The following SLC2A13 variants were observed in gnomAD, a reference collection of about 807,000 sequenced individuals.
SLC2A13 encodes the protein proton myo-inositol cotransporter.
In SLC2A13, 32 loss-of-function variants were observed where a neutral mutation model predicts 64.4. The ratio of observed to expected loss-of-function variants is 0.50; its 90% CI spans 0.37 to 0.67. SLC2A13 has a LOEUF of 0.67. SLC2A13 is among the 30% of genes least tolerant of loss of function. The pLI is 0.00. For synonymous variants in SLC2A13, 338 were observed against 327.1 expected (o/e 1.03, Z -0.36); for missense variants, 743 against 829.2 (o/e 0.90, Z 1.28).
chr12:40,010,606 A>C lies in SLC2A13; in HGVS notation c.925+17695T>G, dbSNP rs1230437824. On this transcript the variant is annotated intron_variant, in intron 3 of 9. Coordinates refer to ENST00000280871, the MANE Select transcript of SLC2A13 (RefSeq NM_052885.4). ...CATCTAATTTTAATGATTTTTTCAC[A>C]AACCTTTTAAAACCATCTTGCCCAC... Among the ~76,000 whole-genome samples the C allele has an allele frequency of 1.3e-5, 2 of 152,234 alleles. 1 individual carries two copies. The highest frequency in any genetic ancestry group is 4.8e-5 in the African/African-American group (2 of 41,456).
intron 1 of SLC2A13, among the ~76,000 whole-genome samples, chr12:40,100,969 C>CAA (rs10633826): frequency 0.35 from 29,234 of 84,690 alleles, 5,880 homozygotes; most frequent in Non-Finnish European, 0.37. Flanking sequence ...CCATCTCAGA[C>CAA]AAAAAAAAAA....
At chr12:40,030,991 TATACGTTTGTATCCTA>T (rs1947894317) in intron 2 of SLC2A13, among the ~76,000 whole-genome samples, 1 of 152,228 alleles carries the variant, frequency 6.6e-6, no homozygotes. Context: ...AAAAATGTTT[TATACGTTTGTATCCTA>T]ATACTTCTAA....
intron 3 of SLC2A13, among the ~76,000 whole-genome samples, chr12:39,961,681 T>G (rs912513968): frequency 6.6e-6 from 1 of 151,560 alleles, no homozygotes; most frequent in Non-Finnish European, 1.5e-5. Context: ...AAAAAATTTT[T>G]TTTTTAGAGG....
At chr12:39,931,384 G>A (rs1945823433) in intron 4 of SLC2A13, among the ~76,000 whole-genome samples, 1 of 152,164 alleles carries the variant, frequency 6.6e-6, no homozygotes, top group African/African-American at 2.4e-5. Context: ...TGCCTCTGCT[G>A]TTGCCACTCC....
chr12:39,999,465 G>C (rs1471902797), intron 3 of SLC2A13, among the ~76,000 whole-genome samples: 2 of 152,120 alleles, frequency 1.3e-5, no homozygotes, highest in Non-Finnish European at 2.9e-5. Flanking sequence ...GCCGCTCTGG[G>C]AGTGTCTGTC....
At chr12:39,966,190 A>ATATT (rs1946511509) in intron 3 of SLC2A13, among the ~76,000 whole-genome samples, 1 of 151,834 alleles carries the variant, frequency 6.6e-6, no homozygotes, top group African/African-American at 2.4e-5. Flanking sequence ...AGAAGTATGT[A>ATATT]TATGTATAAA....
intron 7 of SLC2A13, among the ~76,000 whole-genome samples, chr12:39,783,917 C>A (rs1319783240): frequency 1.3e-5 from 2 of 152,178 alleles, no homozygotes; most frequent in Non-Finnish European, 2.9e-5. Context: ...CACAAGCATT[C>A]CTGTACACAA....
At chr12:39,948,679 C>G (rs74568154) in intron 4 of SLC2A13, among the ~76,000 whole-genome samples, 1 of 151,992 alleles carries the variant, frequency 6.6e-6, no homozygotes, top group Non-Finnish European at 1.5e-5. Flanking sequence ...TTTTCAAAAA[C>G]GTATTTCAAC....
chr12:40,018,021 C>T (rs922010291), intron 3 of SLC2A13, among the ~76,000 whole-genome samples: 2 of 144,374 alleles, frequency 1.4e-5, no homozygotes, highest in Non-Finnish European at 3.1e-5. Flanking sequence ...AAGGAAAGAA[C>T]GTGAATAGCA....
intron 3 of SLC2A13, among the ~76,000 whole-genome samples, chr12:39,981,182 G>A (rs1384439527): frequency 6.7e-6 from 1 of 149,758 alleles, no homozygotes; most frequent in Non-Finnish European, 1.5e-5. Flanking sequence ...GCAGTGTGTA[G>A]AGGGAAATTT....
At chr12:40,025,471 G>A (rs746126965) in intron 3 of SLC2A13, among the ~76,000 whole-genome samples, 19 of 152,104 alleles carry the variant, frequency 1.2e-4, no homozygotes, top group South Asian at 4.2e-4. Context: ...TGCCATAACC[G>A]TCACAAGTCA....
intron 4 of SLC2A13, among the ~76,000 whole-genome samples, chr12:39,883,158 T>G (rs1944385573): frequency 6.6e-6 from 1 of 152,118 alleles, no homozygotes; most frequent in Non-Finnish European, 1.5e-5. Context: ...TCTTTAATAA[T>G]TATAATAAGT....
chr12:39,958,777 T>A (rs976828999), intron 3 of SLC2A13, among the ~76,000 whole-genome samples: 2 of 152,128 alleles, frequency 1.3e-5, no homozygotes, highest in Admixed American at 6.5e-5. Context: ...TACAATTTTG[T>A]CTCTTACAAT....
intron 3 of SLC2A13, among the ~76,000 whole-genome samples, chr12:39,968,519 C>T (rs1188846144): frequency 6.6e-6 from 1 of 151,938 alleles, no homozygotes; most frequent in African/African-American, 2.4e-5. Flanking sequence ...AAAATGGTGA[C>T]TCTTTCCTCT....
At chr12:39,921,969 C>T (rs1945621715) in intron 4 of SLC2A13, among the ~76,000 whole-genome samples, 1 of 151,302 alleles carries the variant, frequency 6.6e-6, no homozygotes, top group South Asian at 2.1e-4. Flanking sequence ...ATGCAAGGTA[C>T]ATTAACAATT....
intron 1 of SLC2A13, among the ~76,000 whole-genome samples, chr12:40,063,725 C>T (rs532005347): frequency 1.1e-4 from 16 of 152,074 alleles, no homozygotes; most frequent in East Asian, 3.8e-4. Flanking sequence ...TCATAGAGGA[C>T]GGACTAATTA....
intron 4 of SLC2A13, among the ~76,000 whole-genome samples, chr12:39,913,798 G>A (rs1945474139): frequency 6.6e-6 from 1 of 151,858 alleles, no homozygotes; most frequent in African/African-American, 2.4e-5. Context: ...ACATCTTTTA[G>A]AAACGTATCA....
At chr12:39,903,045 G>C (rs1190015850) in intron 4 of SLC2A13, among the ~76,000 whole-genome samples, 2 of 152,116 alleles carry the variant, frequency 1.3e-5, no homozygotes, top group African/African-American at 4.8e-5. Flanking sequence ...AGTAATATGA[G>C]TATGACTCAG....
At chr12:39,799,196 C>CCTT (rs1272149582) in intron 7 of SLC2A13, among the ~76,000 whole-genome samples, 1 of 150,448 alleles carries the variant, frequency 6.6e-6, no homozygotes, top group Non-Finnish European at 1.5e-5. Flanking sequence ...GATTCTCCTA[C>CCTT]CTTCTACCTT....
Sources: gnomAD v4.1 joint callset for allele counts (sites outside exome capture counted in the v4.1 genomes callset) on GRCh38, gnomAD v4.1.1 for gene constraint, MANE v1.5 for transcripts, NCBI Gene and HGNC (gene_info 2026-07-23, HGNC 2026-07-21) for gene names.